SLC39A6: variants seen among roughly 807,000 people sequenced by gnomAD.
SLC39A6 encodes the protein solute carrier family 39 member 6, also known as zinc transporter ZIP6.
Under a neutral mutation model 63.5 loss-of-function variants are expected in SLC39A6, and 51 were observed. That is an observed-to-expected ratio of 0.80 (90% CI 0.64 to 1.01). The LOEUF (loss-of-function observed/expected upper bound fraction) is 1.01. SLC39A6 is among the 50% of genes least tolerant of loss of function. The pLI is 0.00. For missense variants in SLC39A6, 805 were observed against 927.8 expected, an observed-to-expected ratio of 0.87 and a Z score of 1.72; for synonymous variants, 318 against 324.7, an observed-to-expected ratio of 0.98 and a Z score of 0.22.
chr18:36,113,975 A>G (rs781030348), intron 7 of SLC39A6, 122 bp downstream of exon 7: 31 of 1,235,342 alleles, frequency 2.5e-5, no homozygotes, highest in Non-Finnish European at 3.2e-5. Flanking sequence ...TAACATTTTT[A>G]TAATCTTGGA....
At chr18:36,117,333 C>G (rs1488134373) in intron 5 of SLC39A6, among the ~76,000 whole-genome samples, 2 of 152,244 alleles carry the variant, frequency 1.3e-5, no homozygotes. Flanking sequence ...CTTCTGCACA[C>G]TGAAACCCCA....
chr18:36,110,898 GA>G, intron 9 of SLC39A6, 160 bp downstream of exon 9: 1 of 1,210,462 alleles, frequency 8.3e-7, no homozygotes, highest in South Asian at 1.6e-5. Flanking sequence ...GGCTGAGATG[GA>G]AGGATCATTT....
At chr18:36,120,949 G>A (rs2089388550) in intron 5 of SLC39A6, among the ~76,000 whole-genome samples, 1 of 152,052 alleles carries the variant, frequency 6.6e-6, no homozygotes, top group African/African-American at 2.4e-5. Flanking sequence ...AGCTTTAAGT[G>A]TGTAATCTCT....
At chr18:36,113,375 A>G (rs2089317436) in intron 7 of SLC39A6, among the ~76,000 whole-genome samples, 1 of 152,112 alleles carries the variant, frequency 6.6e-6, no homozygotes. Flanking sequence ...CTGGGAATAC[A>G]GACATGAGCT....
rs2089440553 is a variant in SLC39A6, at chr18:36,126,635, C to G, written c.373G>C (p.Asp125His). The change falls in exon 2 of 10, where the codon GAC (aspartate) becomes CAC (histidine). Residue 125 changes from aspartate (D) to histidine (H), a missense_variant. Asp to His is a moderately conservative substitution (Grantham distance 81, BLOSUM62 -1). Coordinates refer to ENST00000269187, the MANE Select transcript of SLC39A6 (RefSeq NM_012319.4). ...EHHSEHEHHS[D>H]HDHHSHHNHA... Reference sequence around the variant, plus strand: ...TTATGGTGAGAGTGATGATCATGGTCAGAGTGATGCTCGTGCTCTGAGTGA... The same window carrying G: ...TTATGGTGAGAGTGATGATCATGGTGAGAGTGATGCTCGTGCTCTGAGTGA... The G allele has an allele frequency of 6.2e-7, 1 of 1,613,324 alleles. No homozygotes were observed.
chr18:36,123,515 A>C lies in SLC39A6; in HGVS notation c.1120T>G (p.Phe374Val). 1 of 1,611,664 alleles carries C rather than the reference A, an allele frequency of 6.2e-7. No individual in the cohort carries two copies. The highest frequency in any genetic ancestry group is 8.5e-7 in the Non-Finnish European group (1 of 1,179,426). Residue 374 changes from phenylalanine to valine, a missense_variant, in exon 4 of 10, where the codon TTT (phenylalanine) becomes GTT (valine). Physicochemically the swap from Phe to Val is conservative, Grantham distance 50. Coordinates refer to ENST00000269187, the MANE Select transcript of SLC39A6 (RefSeq NM_012319.4). The part of the protein sequence containing the change: ...LAVGTLSGDA[F>V]LHLLPHSHAS... Reference sequence around the variant, plus strand: ...CTTACATGTGGAAGAAGGTGTAAAAAAGCATCACCACTCAAAGTCCCAACG... The same window carrying C: ...CTTACATGTGGAAGAAGGTGTAAAACAGCATCACCACTCAAAGTCCCAACG...
intron 1 of SLC39A6, among the ~76,000 whole-genome samples, chr18:36,127,296 T>A (rs934016290): frequency 8.5e-5 from 13 of 152,170 alleles, no homozygotes; most frequent in African/African-American, 3.1e-4. Context: ...ACAAGGGAGA[T>A]CCATGTGGCC....
chr18:36,114,025 T>G, intron 7 of SLC39A6, 72 bp downstream of exon 7: 1 of 1,502,168 alleles, frequency 6.7e-7, no homozygotes, highest in Non-Finnish European at 8.9e-7. Flanking sequence ...TATTCTTTGT[T>G]AAAATTTGAC....
intron 9 of SLC39A6, 82 bp downstream of exon 9, chr18:36,110,977 G>A: frequency 1.3e-6 from 2 of 1,556,826 alleles, no homozygotes; most frequent in Non-Finnish European, 1.7e-6. Flanking sequence ...CCCAAAAAGA[G>A]AGAAAAAAAA....
intron 5 of SLC39A6, 78 bp from the exon 6 acceptor site, chr18:36,116,857 G>A (rs2144503038): frequency 1.1e-6 from 1 of 947,906 alleles, no homozygotes; most frequent in Non-Finnish European, 1.6e-6. Flanking sequence ...AACCAGGTAA[G>A]CAAAACACAC....
At chr18:36,121,262 T>C (rs2089391428) in intron 5 of SLC39A6, among the ~76,000 whole-genome samples, 1 of 152,144 alleles carries the variant, frequency 6.6e-6, no homozygotes, top group African/African-American at 2.4e-5. Context: ...GTTCAAACAA[T>C]TCTTGTGCCT....
In SLC39A6 at chr18:36,124,537, G is replaced by A. The variant is rs768231158; in HGVS notation, c.953C>T (p.Thr318Ile). 6.4e-7 allele frequency: 1 copy of A among 1,559,744 alleles called. No individual in the cohort carries two copies. Among genetic ancestry groups the A allele is most frequent in the South Asian group, 1.2e-5 (1 of 86,320 alleles). Reference sequence around the variant, plus strand: ...AATTTTACCTATTTGTAATGAATAGGTCTTTGGAGGGATTTCAGCCTTCTT... The same window carrying A: ...AATTTTACCTATTTGTAATGAATAGATCTTTGGAGGGATTTCAGCCTTCTT... The part of the protein sequence containing the change: ...SEKKAEIPPK[T>I]YSLQIAWVGG... Residue 318 changes from threonine to isoleucine, a missense_variant, in exon 3 of 10, where the codon ACC becomes ATC. By Grantham distance (89) the Thr-to-Ile change is moderately conservative (BLOSUM62 -1). Around this residue, in one of 4 missense-constraint regions of SLC39A6, gnomAD observed 639 missense variants for 644.0 expected, o/e 0.99. Transcript: ENST00000269187.
At chr18:36,124,444 C>T (rs2089418724) in intron 3 of SLC39A6, 76 bp downstream of exon 3, 1 of 909,060 alleles carries the variant, frequency 1.1e-6, no homozygotes, top group Non-Finnish European at 1.6e-6. Flanking sequence ...AACAAATAGG[C>T]TGATGCAAAT....
At chr18:36,111,649 T>C (rs943808283) in intron 8 of SLC39A6, among the ~76,000 whole-genome samples, 2 of 152,144 alleles carry the variant, frequency 1.3e-5, no homozygotes, top group African/African-American at 2.4e-5. Flanking sequence ...CACACCTGGA[T>C]AATTTTTTTA....
chr18:36,127,928 T>C (rs1016191412), intron 1 of SLC39A6, among the ~76,000 whole-genome samples: 3 of 152,122 alleles, frequency 2.0e-5, no homozygotes, highest in African/African-American at 4.8e-5. Context: ...AAGTGTATAC[T>C]TTAAATACAC....
intron 9 of SLC39A6, 112 bp downstream of exon 9, chr18:36,110,947 A>G: frequency 6.7e-7 from 1 of 1,485,446 alleles, no homozygotes. Flanking sequence ...ACGACATAGC[A>G]AGATTCCACT....
At chr18:36,127,069 T>C in intron 1 of SLC39A6, 53 bp from the exon 2 acceptor site, 2 of 1,436,596 alleles carry the variant, frequency 1.4e-6, no homozygotes, top group Non-Finnish European at 1.9e-6. Context: ...ACAAATTGAA[T>C]TAAGAAACCT....
At chr18:36,124,107 T>C (rs145258942) in intron 3 of SLC39A6, among the ~76,000 whole-genome samples, 133 of 152,202 alleles carry the variant, frequency 8.7e-4, no homozygotes, top group African/African-American at 3.1e-3. Flanking sequence ...AAAGCAGTGA[T>C]TCCTTCCTCA....
At chr18:36,116,614 C>A in intron 6 of SLC39A6, 60 bp downstream of exon 6, 1 of 1,173,630 alleles carries the variant, frequency 8.5e-7, no homozygotes, top group Non-Finnish European at 1.3e-6. Flanking sequence ...AGTCAAGTTG[C>A]CTGCAAATCA....
Sources: allele counts gnomAD v4.1 joint callset (sites outside exome capture counted in the v4.1 genomes callset), GRCh38; gene constraint gnomAD v4.1.1; regional missense constraint gnomAD v4.1.1; transcripts MANE v1.5; gene names NCBI Gene and HGNC (gene_info 2026-07-23, HGNC 2026-07-21).